SYN1: variants seen among roughly 807,000 people sequenced by gnomAD.
SYN1 encodes synapsin-1.
SYN1 carries 8 observed loss-of-function variants against 44.6 expected under a neutral mutation model. That is an observed-to-expected ratio of 0.18 (90% CI 0.11 to 0.32). The LOEUF (loss-of-function observed/expected upper bound fraction) is 0.32. SYN1 is among the 10% of genes least tolerant of loss of function. SYN1 has a pLI of 1.00. For missense variants in SYN1, 451 were observed against 639.4 expected, an observed-to-expected ratio of 0.71 and a Z score of 3.18; for synonymous variants, 275 against 280.1, an observed-to-expected ratio of 0.98 and a Z score of 0.18.
chrX:47,602,958 T>G (rs2057884394), intron 5 of SYN1, among the ~76,000 whole-genome samples: 1 of 111,703 alleles, frequency 9.0e-6, no homozygotes, highest in Non-Finnish European at 1.9e-5. Context: ...TAAAATTTGA[T>G]TCATAACTGT....
At chrX:47,588,216 A>G (rs2057834124) in intron 5 of SYN1, among the ~76,000 whole-genome samples, 1 of 112,795 alleles carries the variant, frequency 8.9e-6, no homozygotes, top group South Asian at 3.6e-4. Flanking sequence ...AACCTTGTCC[A>G]CCGAAGGGGC....
rs1383572560 is a variant in SYN1 at position 47,619,364 on chromosome X, G to A, written c.365C>T (p.Pro122Leu). 1 of 1,198,998 alleles carries A rather than the reference G, an allele frequency of 8.3e-7. No individual in the cohort carries two copies. Among genetic ancestry groups the A allele is most frequent in the Non-Finnish European group, 1.1e-6 (1 of 893,726 alleles). ...ASRVLLVIDE[P>L]HTDWAKYFKG... The stretch of plus-strand genomic sequence containing the variant: ...GGCAGTGGCTTACCAGTCGGTGTGC[G>A]GCTCGTCGATGACCAGCAGCACCCT... The change falls in exon 1 of 13, where the codon CCG becomes CTG. Residue 122 changes from proline (P) to leucine (L), a missense_variant. Physicochemically the swap from Pro to Leu is moderately conservative, Grantham distance 98 (BLOSUM62 -3). Coordinates refer to ENST00000295987, the MANE Select transcript of SYN1 (RefSeq NM_006950.3).
rs1019984242 is a variant in SYN1 at position 47,574,162 on chromosome X, C to A, written c.1822G>T (p.Gly608Cys). 2 of 1,051,956 alleles carry A rather than the reference C, an allele frequency of 1.9e-6. No homozygotes were observed. The highest frequency in any genetic ancestry group is 4.0e-5 in the African/African-American group (2 of 50,513). The allele number at this position is 1,051,956 out of a possible 1,213,427, so 86.7% of individuals were successfully genotyped here. The change falls in exon 12 of 13, where the codon GGT becomes TGT. Residue 608 changes from glycine to cysteine, a missense_variant. Gly to Cys is a radical substitution (Grantham distance 159). Around this residue, in one of 3 missense-constraint regions of SYN1, gnomAD observed 127 missense variants for 154.8 expected, o/e 0.82. Transcript: ENST00000295987. ...AGPTRQASQA[G>C]PVPRTGPPTT... ...GGTGGCCCAGTGCGGGGCACGGGAC[C>A]CGCCTGGCTGGCCTGGCGTGTGGGG...
At chrX:47,576,915 C>T (rs1482335091) in intron 6 of SYN1, among the ~76,000 whole-genome samples, 1 of 111,737 alleles carries the variant, frequency 8.9e-6, no homozygotes, top group Admixed American at 9.5e-5. Context: ...TGTGAACTAT[C>T]TCTCACTAAA....
At chrX:47,586,689 T>C (rs1360544930) in intron 5 of SYN1, 3 of 1,207,988 alleles carry the variant, frequency 2.5e-6, no homozygotes, top group Admixed American at 2.2e-5. Context: ...CCAGATAGCC[T>C]GAATCCTGCC....
chrX:47,589,404 T>C lies in SYN1; in HGVS notation c.775-11903A>G, dbSNP rs1169883408. The stretch of plus-strand genomic sequence containing the variant: ...GTCAGGAGATCGAGACCATCCTGGC[T>C]AACAAGGTGAAACCCTGTCTCTACT... On this transcript the variant is annotated intron_variant, in intron 5 of 12. Coordinates refer to ENST00000295987, the MANE Select transcript of SYN1 (RefSeq NM_006950.3). Among the ~76,000 whole-genome samples the C allele has an allele frequency of 6.6e-5, 7 of 105,351 alleles. 1 individual carries two copies. In the South Asian group the frequency reaches 1.3e-3, roughly 19 times the overall value. 91.5% of individuals were successfully genotyped at this position (105,351 alleles called of 115,157 possible).
At chrX:47,582,655 C>T (rs1417372757) in intron 5 of SYN1, 2 of 319,833 alleles carry the variant, frequency 6.3e-6, no homozygotes, top group Admixed American at 3.3e-5. Context: ...TTCCCAACCC[C>T]GAGGCTCCAA....
In SYN1 at chrX:47,586,730, C is replaced by T. The variant is rs779510865; in HGVS notation, c.775-9229G>A. ...TGGAAGCTGAAGCCTGCACAGTGTCCACCCTGTTCCCACTCCCATCTTTCT... is the reference window on the plus strand; with the variant it reads ...TGGAAGCTGAAGCCTGCACAGTGTCTACCCTGTTCCCACTCCCATCTTTCT... On this transcript the variant is annotated intron_variant, in intron 5 of 12. Coordinates refer to ENST00000295987, the MANE Select transcript of SYN1 (RefSeq NM_006950.3). The T allele has an allele frequency of 2.6e-6, 3 of 1,175,493 alleles. No individual in the cohort carries two copies. The African/African-American group carries it at 5.3e-5, about 21-fold the overall frequency.
chrX:47,585,327 T>G (rs778604145), intron 5 of SYN1: 1 of 1,211,815 alleles, frequency 8.3e-7, no homozygotes, highest in South Asian at 1.8e-5. Context: ...AGTTTCTCAT[T>G]GCTGGTGAGG....
At chrX:47,574,916 G>C (rs2057772670) in intron 10 of SYN1, 141 bp from the exon 11 acceptor site, 4 of 775,264 alleles carry the variant, frequency 5.2e-6, no homozygotes, top group Non-Finnish European at 7.7e-6. Flanking sequence ...TTGTGGGGTG[G>C]GGGACCTGTT....
chrX:47,607,478 G>A (rs984266000), intron 1 of SYN1, among the ~76,000 whole-genome samples: 2 of 111,536 alleles, frequency 1.8e-5, no homozygotes, highest in African/African-American at 6.5e-5. Context: ...TCATCACATT[G>A]TCATTGTAAA....
At chrX:47,576,684 C>T (rs2057778763) in intron 6 of SYN1, 44 bp from the exon 7 acceptor site, 6 of 1,208,661 alleles carry the variant, frequency 5.0e-6, no homozygotes, top group South Asian at 1.8e-5. Flanking sequence ...CAGGATAGGG[C>T]AGCTGTGGGG....
At chrX:47,613,967 A>G (rs1250731864) in intron 1 of SYN1, among the ~76,000 whole-genome samples, 1 of 111,982 alleles carries the variant, frequency 8.9e-6, no homozygotes, top group Non-Finnish European at 1.9e-5. Context: ...CAGCAATCCC[A>G]GTGATCCACT....
At chrX:47,607,069 A>G (rs368668831) in intron 2 of SYN1, 33 bp from the exon 3 acceptor site, 269 of 1,205,108 alleles carry the variant, frequency 2.2e-4, no homozygotes, top group Non-Finnish European at 3.0e-4. Flanking sequence ...TGATTCACCT[A>G]CATCACACAA....
At position 47,580,860 on chromosome X, in the gene SYN1, G is replaced by A. The variant is rs182943727; in HGVS notation, c.775-3359C>T. On this transcript the variant is annotated intron_variant, in intron 5 of 12. Coordinates refer to ENST00000295987, the MANE Select transcript of SYN1 (RefSeq NM_006950.3). ...GAGACAGGAGAATCTCTTGAACCCCGGAGGCGGAGGTTGCAGTGAGCTGAG... is the reference window on the plus strand; with the variant it reads ...GAGACAGGAGAATCTCTTGAACCCCAGAGGCGGAGGTTGCAGTGAGCTGAG... Among the ~76,000 whole-genome samples the A allele has an allele frequency of 3.5e-4, 39 of 110,349 alleles. No homozygotes were observed. The East Asian group carries it at 8.8e-3, about 25-fold the overall frequency.
intron 9 of SYN1, 105 bp from the exon 10 acceptor site, chrX:47,575,379 C>T (rs1202317935): frequency 1.0e-6 from 1 of 974,865 alleles, no homozygotes; most frequent in Non-Finnish European, 1.4e-6. Flanking sequence ...CGCTGAGCCC[C>T]AGTGTCTGAG....
chrX:47,610,451 C>G (rs747385315), intron 1 of SYN1, among the ~76,000 whole-genome samples: 2 of 103,737 alleles, frequency 1.9e-5, no homozygotes, highest in East Asian at 3.2e-4. Context: ...TGCCTGCCCC[C>G]CTCAGAGTCT....
chrX:47,594,729 CTTT>C (rs369921621), intron 5 of SYN1, among the ~76,000 whole-genome samples: 2 of 94,002 alleles, frequency 2.1e-5, no homozygotes, highest in Non-Finnish European at 2.1e-5. Context: ...CTTTTCTTTT[CTTT>C]TTTTTTTTTT....
chrX:47,606,896 G>T, intron 3 of SYN1, 49 bp downstream of exon 3: 1 of 1,126,316 alleles, frequency 8.9e-7, no homozygotes. Context: ...CTCTAAGGGA[G>T]AGTTCTTATG....
Sources: gnomAD v4.1 joint callset for allele counts (sites outside exome capture counted in the v4.1 genomes callset) on GRCh38, gnomAD v4.1.1 for gene constraint, gnomAD v4.1.1 regional missense constraint, MANE v1.5 for transcripts, NCBI Gene and HGNC (gene_info 2026-07-23, HGNC 2026-07-21) for gene names.